The following ADAM18 variants were observed in gnomAD, a reference collection of about 807,000 sequenced individuals.
ADAM18 encodes ADAM metallopeptidase domain 18.
ADAM18 carries 117 observed loss-of-function variants against 94.4 expected under a neutral mutation model. The observed-to-expected ratio is 1.24, with a 90% CI of 1.07 to 1.45. ADAM18 has a LOEUF of 1.45. Among genes scored for constraint, ADAM18 ranks in the 40% most tolerant of loss-of-function variants. ADAM18 has a pLI of 0.00. For missense variants in ADAM18, 936 were observed against 880.0 expected (o/e 1.06, Z -0.81); for synonymous variants, 327 against 291.6 (o/e 1.12, Z -1.24).
chr8:39,703,798 A>C (rs541781364), intron 17 of ADAM18, among the ~76,000 whole-genome samples: 1 of 152,240 alleles, frequency 6.6e-6, no homozygotes, highest in Non-Finnish European at 1.5e-5. Flanking sequence ...AAAAATTATA[A>C]GATAAATAGA....
rs529171037 is a variant in ADAM18, at chr8:39,719,786, G to T, written c.2018-3962G>T. Among the ~76,000 whole-genome samples the T allele has an allele frequency of 2.4e-3, 369 of 151,268 alleles. 3 individuals are homozygous for T. Among genetic ancestry groups the T allele is most frequent in the African/African-American group, 8.5e-3 (353 of 41,386 alleles). On this transcript the variant is annotated intron_variant, in intron 18 of 19. Coordinates refer to ENST00000265707, the MANE Select transcript of ADAM18 (RefSeq NM_014237.3). ...ACATTAACTTTGGCCAAGATGTGAG[G>T]GTAGGAACCATATACTGATATTTAA...
chr8:39,595,688 A>AT (rs1281832327), intron 2 of ADAM18, among the ~76,000 whole-genome samples: 11 of 151,572 alleles, frequency 7.3e-5, no homozygotes, highest in African/African-American at 2.4e-4. Context: ...TACCTGGCTA[A>AT]TTTTTTTGTA....
intron 6 of ADAM18, among the ~76,000 whole-genome samples, chr8:39,623,385 T>C (rs1438414139): frequency 6.6e-6 from 1 of 152,154 alleles, no homozygotes; most frequent in African/African-American, 2.4e-5. Context: ...GATCTACTTT[T>C]ACTTCTTTGA....
intron 18 of ADAM18, among the ~76,000 whole-genome samples, chr8:39,713,806 G>T (rs992245000): frequency 2.6e-5 from 4 of 152,186 alleles, no homozygotes; most frequent in African/African-American, 9.7e-5. Context: ...TGCTGGAGAG[G>T]ATGTGGAGAA....
chr8:39,689,277 T>C (rs2129580792), intron 16 of ADAM18, among the ~76,000 whole-genome samples: 1 of 152,360 alleles, frequency 6.6e-6, no homozygotes, highest in South Asian at 2.1e-4. Flanking sequence ...ATGAAATCAT[T>C]GCCTGCGCCT....
chr8:39,697,020 T>C (rs1243438083), intron 17 of ADAM18, among the ~76,000 whole-genome samples: 1 of 151,620 alleles, frequency 6.6e-6, no homozygotes, highest in Non-Finnish European at 1.5e-5. Flanking sequence ...TTTAAATTTA[T>C]ATCTTCTTTA....
At position 39,606,897 on chromosome 8, in the gene ADAM18, G is replaced by A. The variant is rs144028781; in HGVS notation, c.188+535G>A. On this transcript the variant is annotated intron_variant, in intron 3 of 19. Transcript: ENST00000265707. ...GGGCGGGGAACACAAGGTGCTCAGTGGGGGAACTTCTGAGCCAGGAGAAGG... is the reference window on the plus strand; with the variant it reads ...GGGCGGGGAACACAAGGTGCTCAGTAGGGGAACTTCTGAGCCAGGAGAAGG... 6.0e-3 allele frequency among the ~76,000 whole-genome samples: 910 copies of A among 152,218 alleles called. 9 individuals are homozygous for A. The highest frequency in any genetic ancestry group is 0.021 in the African/African-American group (853 of 41,538).
At chr8:39,592,998 C>T (rs989144883) in intron 2 of ADAM18, among the ~76,000 whole-genome samples, 11 of 152,134 alleles carry the variant, frequency 7.2e-5, no homozygotes, top group Non-Finnish European at 1.6e-4. Flanking sequence ...TTACAGATCA[C>T]TTGTTTCAGC....
chr8:39,686,347 A>G (rs1324282612), intron 16 of ADAM18, among the ~76,000 whole-genome samples: 1 of 152,230 alleles, frequency 6.6e-6, no homozygotes, highest in African/African-American at 2.4e-5. Context: ...GGGAAGTCCA[A>G]GATCAAAGTG....
At chr8:39,636,771 G>C (rs1387963155) in intron 7 of ADAM18, among the ~76,000 whole-genome samples, 1 of 151,472 alleles carries the variant, frequency 6.6e-6, no homozygotes, top group South Asian at 2.1e-4. Context: ...TATGAATGCC[G>C]TTTCCACATT....
intron 10 of ADAM18, among the ~76,000 whole-genome samples, chr8:39,641,242 A>G (rs776677933): frequency 3.9e-4 from 60 of 151,928 alleles, no homozygotes; most frequent in Non-Finnish European, 6.9e-4. Flanking sequence ...TTCTCCCAGC[A>G]CCATTTATTA....
chr8:39,672,089 C>T (rs558947219), intron 14 of ADAM18, among the ~76,000 whole-genome samples: 53 of 152,146 alleles, frequency 3.5e-4, no homozygotes, highest in African/African-American at 1.3e-3. Context: ...ATTACTCGCC[C>T]TAAGTGAAAT....
At chr8:39,682,713 T>G (rs545851988) in intron 16 of ADAM18, among the ~76,000 whole-genome samples, 1 of 152,322 alleles carries the variant, frequency 6.6e-6, no homozygotes, top group South Asian at 2.1e-4. Context: ...ATTGATGGGC[T>G]TGGGGCCAGA....
At chr8:39,633,973 C>T (rs1391375920) in intron 7 of ADAM18, among the ~76,000 whole-genome samples, 1 of 151,980 alleles carries the variant, frequency 6.6e-6, no homozygotes, top group Non-Finnish European at 1.5e-5. Context: ...GCAGAATAAC[C>T]CCAAAGACAT....
intron 18 of ADAM18, among the ~76,000 whole-genome samples, chr8:39,720,980 C>G (rs1822727206): frequency 6.6e-6 from 1 of 151,444 alleles, no homozygotes; most frequent in Admixed American, 6.6e-5. Flanking sequence ...AAATGTCTGT[C>G]AGAATATCAG....
chr8:39,726,805 T>C (rs1244099864), intron 19 of ADAM18, among the ~76,000 whole-genome samples: 1 of 152,186 alleles, frequency 6.6e-6, no homozygotes, highest in Non-Finnish European at 1.5e-5. Flanking sequence ...TGTTGGAGAC[T>C]AGTGCAAGAA....
chr8:39,646,421 AATATATTTTAATG>A (rs2129579541), intron 11 of ADAM18, among the ~76,000 whole-genome samples: 1 of 152,230 alleles, frequency 6.6e-6, no homozygotes, highest in Non-Finnish European at 1.5e-5. Context: ...TAATTGTGGT[AATATATTTTAATG>A]ATATATTTTA....
At chr8:39,627,021 C>T (rs1392970933) in intron 6 of ADAM18, among the ~76,000 whole-genome samples, 3 of 152,060 alleles carry the variant, frequency 2.0e-5, no homozygotes, top group Non-Finnish European at 4.4e-5. Context: ...TATTGTGTTG[C>T]TGTCTATCTC....
At chr8:39,680,688 A>G (rs1004245762) in intron 16 of ADAM18, among the ~76,000 whole-genome samples, 6 of 152,236 alleles carry the variant, frequency 3.9e-5, no homozygotes, top group African/African-American at 1.4e-4. Context: ...GCGTATATAC[A>G]TGCATGAATA....
Sources: gnomAD v4.1 joint callset for allele counts (sites outside exome capture counted in the v4.1 genomes callset) on GRCh38, gnomAD v4.1.1 for gene constraint, MANE v1.5 for transcripts, NCBI Gene and HGNC (gene_info 2026-07-23, HGNC 2026-07-21) for gene names.